TBC1D19: variants seen among roughly 807,000 people sequenced by gnomAD.
TBC1D19 encodes TBC1 domain family, member 19.
In TBC1D19, 60 loss-of-function variants were observed where a neutral mutation model predicts 89.0. The ratio of observed to expected loss-of-function variants is 0.67; its 90% CI spans 0.55 to 0.84. The LOEUF is 0.84. Ranked by LOEUF, TBC1D19 falls within the 40% of genes least tolerant of loss-of-function variation. The pLI, the probability that TBC1D19 is intolerant of heterozygous loss-of-function variation, is 0.00. For missense variants in TBC1D19, 500 were observed against 610.8 expected (o/e 0.82, Z 1.91); for synonymous variants, 189 against 199.7 (o/e 0.95, Z 0.45).
At chr4:26,648,574 A>C (rs1211257241) in intron 7 of TBC1D19, among the ~76,000 whole-genome samples, 1 of 152,214 alleles carries the variant, frequency 6.6e-6, no homozygotes, top group African/African-American at 2.4e-5. Flanking sequence ...ATAAATATTT[A>C]CTGAATGAAT....
chr4:26,812,028 G>C, the TBC1D19 span, among the ~76,000 whole-genome samples: 1 of 152,146 alleles, frequency 6.6e-6, no homozygotes, highest in Non-Finnish European at 1.5e-5. The surrounding 1 kb of genome is among the most constrained non-coding windows in gnomAD (Gnocchi z 4.2). Context: ...TCCTATTCAA[G>C]ATAGAGTTGC....
In TBC1D19 at chr4:26,735,439, A is replaced by AG. The variant is rs1214210981; in HGVS notation, c.1085-16_1085-15insG. 7.8e-7 allele frequency: 1 copy of AG among 1,275,466 alleles called. No individual in the cohort carries two copies. Among genetic ancestry groups the AG allele is most frequent in the African/African-American group, 2.5e-5 (1 of 39,508 alleles). 79.0% of individuals were successfully genotyped at this position (1,275,466 alleles called of 1,614,324 possible). ...GGCCTACTACTTATTGAAAAGAAAT[A>AG]CCTTTTTTTTTTTAGGTGTTATCCC... On this transcript the variant is annotated splice_polypyrimidine_tract_variant and intron_variant, in intron 15 of 20. Transcript: ENST00000264866.
At chr4:26,632,841 T>C (rs1742884585) in intron 4 of TBC1D19, among the ~76,000 whole-genome samples, 1 of 152,126 alleles carries the variant, frequency 6.6e-6, no homozygotes, top group Admixed American at 6.6e-5. Context: ...TTGTCTAATG[T>C]CAATTTGTTT....
chr4:26,580,038 C>A (rs1290980670), upstream of TBC1D19, among the ~76,000 whole-genome samples: 1 of 152,094 alleles, frequency 6.6e-6, no homozygotes, highest in Non-Finnish European at 1.5e-5. Flanking sequence ...TTATTTAAAC[C>A]ACAGTTAGGT....
intron 1 of TBC1D19, among the ~76,000 whole-genome samples, chr4:26,605,139 G>T (rs1317416715): frequency 6.6e-6 from 1 of 150,852 alleles, no homozygotes; most frequent in Non-Finnish European, 1.5e-5. Context: ...TGCCATGCTG[G>T]TGTGCTGCAC....
chr4:26,605,660 A>G (rs568264474), intron 1 of TBC1D19, among the ~76,000 whole-genome samples: 1 of 151,060 alleles, frequency 6.6e-6, no homozygotes, highest in Non-Finnish European at 1.5e-5. Flanking sequence ...ACTAGTTTAC[A>G]GTCCCACCAA....
intron 4 of TBC1D19, among the ~76,000 whole-genome samples, chr4:26,634,801 A>G (rs1029149696): frequency 8.5e-5 from 13 of 152,244 alleles, no homozygotes; most frequent in African/African-American, 3.1e-4. Flanking sequence ...TCTAGGCTAT[A>G]TGGTTTGTCT....
At chr4:26,753,210 T>C (rs1198119700) in intron 19 of TBC1D19, among the ~76,000 whole-genome samples, 1 of 152,258 alleles carries the variant, frequency 6.6e-6, no homozygotes, top group East Asian at 1.9e-4. Context: ...CATGTTTCTA[T>C]CAGGACACCT....
chr4:26,629,217 C>G (rs1324763505), intron 4 of TBC1D19, among the ~76,000 whole-genome samples: 1 of 152,010 alleles, frequency 6.6e-6, no homozygotes, highest in Non-Finnish European at 1.5e-5. Flanking sequence ...CCTCTCATCC[C>G]ATATATTTCT....
At chr4:26,761,832 A>G in the TBC1D19 span, among the ~76,000 whole-genome samples, 1 of 152,178 alleles carries the variant, frequency 6.6e-6, no homozygotes, top group Non-Finnish European at 1.5e-5. Context: ...TTTAGCTATA[A>G]AACAGTAGGG....
the TBC1D19 span, among the ~76,000 whole-genome samples, chr4:26,832,009 A>G: frequency 4.6e-5 from 7 of 152,182 alleles, no homozygotes; most frequent in African/African-American, 1.7e-4. Context: ...AAAATACCTG[A>G]TCGTATTGTC....
chr4:26,701,092 C>A (rs941695160), intron 13 of TBC1D19, among the ~76,000 whole-genome samples: 9 of 152,162 alleles, frequency 5.9e-5, no homozygotes, highest in South Asian at 2.1e-4. Context: ...CTCCTTTCTA[C>A]CTCAGTCCTA....
intron 2 of TBC1D19, among the ~76,000 whole-genome samples, chr4:26,613,536 C>A (rs1160104753): frequency 2.0e-5 from 3 of 152,094 alleles, no homozygotes; most frequent in African/African-American, 7.2e-5. Flanking sequence ...AATATTTTAT[C>A]CCCAGCCTTC....
the TBC1D19 span, among the ~76,000 whole-genome samples, chr4:26,838,251 G>C: frequency 6.6e-6 from 1 of 152,142 alleles, no homozygotes; most frequent in Non-Finnish European, 1.5e-5. Context: ...GTATGTATAC[G>C]AAGCTGGCTC....
At chr4:26,634,654 G>A (rs1027188521) in intron 4 of TBC1D19, among the ~76,000 whole-genome samples, 3 of 152,070 alleles carry the variant, frequency 2.0e-5, no homozygotes, top group African/African-American at 4.8e-5. Flanking sequence ...GTATATATAC[G>A]TTTTTAATAA....
the TBC1D19 span, among the ~76,000 whole-genome samples, chr4:26,844,691 G>A: frequency 5.2e-3 from 799 of 152,226 alleles, 4 homozygotes; most frequent in African/African-American, 0.018. Flanking sequence ...GGATACAGTT[G>A]CTTTTTTTGT....
chr4:26,623,417 T>C (rs536682176), intron 4 of TBC1D19, among the ~76,000 whole-genome samples: 33 of 152,302 alleles, frequency 2.2e-4, no homozygotes, highest in African/African-American at 6.7e-4. Flanking sequence ...TCTAAAACTT[T>C]TTCATGCTTG....
chr4:26,694,681 C>T (rs1336924296), intron 13 of TBC1D19, among the ~76,000 whole-genome samples: 2 of 152,190 alleles, frequency 1.3e-5, no homozygotes, highest in Non-Finnish European at 1.5e-5. Flanking sequence ...GCCAGGTACC[C>T]CTCTGAGATG....
the TBC1D19 span, among the ~76,000 whole-genome samples, chr4:26,824,954 G>A: frequency 3.9e-5 from 6 of 152,180 alleles, no homozygotes; most frequent in Admixed American, 6.5e-5. Context: ...CTCTGCAGAA[G>A]GTTATTTAAA....
Sources: gnomAD v4.1 joint callset for allele counts (sites outside exome capture counted in the v4.1 genomes callset) on GRCh38, gnomAD v4.1.1 for gene constraint, Gnocchi (gnomAD v3.1) non-coding constraint, MANE v1.5 for transcripts, NCBI Gene and HGNC (gene_info 2026-07-23, HGNC 2026-07-21) for gene names.